Variants in PCSK2 observed in about 807,000 individuals in gnomAD.
PCSK2 encodes the protein proprotein convertase subtilisin/kexin type 2.
A neutral mutation model predicts 69.7 loss-of-function variants in PCSK2; 14 were observed. The ratio of observed to expected loss-of-function variants is 0.20; its 90% confidence interval spans 0.13 to 0.31. PCSK2 has a LOEUF of 0.31. PCSK2 is among the 10% of genes least tolerant of loss of function. PCSK2 has a pLI of 1.00. For missense variants in PCSK2, 544 were observed against 842.5 expected, an observed-to-expected ratio of 0.65 and a Z score of 4.39; for synonymous variants, 307 against 320.7, an observed-to-expected ratio of 0.96 and a Z score of 0.46.
At chr20:17,334,354 C>G (rs930157652) in intron 2 of PCSK2, among the ~76,000 whole-genome samples, 2 of 152,110 alleles carry the variant, frequency 1.3e-5, no homozygotes, top group African/African-American at 4.8e-5. Context: ...GTTGAGGACA[C>G]TGGAAATGAG....
At position 17,292,055 on chromosome 20, in the gene PCSK2, T is replaced by C. The variant is rs561173731; in HGVS notation, c.282+31711T>C. On this transcript the variant is annotated intron_variant, in intron 2 of 11. Coordinates refer to ENST00000262545, the MANE Select transcript of PCSK2 (RefSeq NM_002594.5). ...AGTATAATTTTGTGACTGAGCACATTGCAGTCCTCAGTAATATAAGGGTTC... is the reference window on the plus strand; with the variant it reads ...AGTATAATTTTGTGACTGAGCACATCGCAGTCCTCAGTAATATAAGGGTTC... 5.3e-5 allele frequency among the ~76,000 whole-genome samples: 8 copies of C among 152,314 alleles called. No individual in the cohort carries two copies. The East Asian group carries it at 1.5e-3, about 29-fold the overall frequency.
intron 2 of PCSK2, among the ~76,000 whole-genome samples, chr20:17,351,067 A>T (rs529870514): frequency 1.3e-5 from 2 of 151,722 alleles, no homozygotes; most frequent in South Asian, 4.2e-4. Flanking sequence ...TTAATGTAGT[A>T]AAAGTACCTT....
chr20:17,444,225 C>T (rs1201039328), intron 8 of PCSK2, among the ~76,000 whole-genome samples: 1 of 152,132 alleles, frequency 6.6e-6, no homozygotes, highest in Non-Finnish European at 1.5e-5. Context: ...TCATCCTGTA[C>T]ATATGTTTTG....
intron 1 of PCSK2, among the ~76,000 whole-genome samples, chr20:17,234,566 A>C (rs190998296): frequency 3.3e-5 from 5 of 152,358 alleles, no homozygotes; most frequent in Admixed American, 3.3e-4. Flanking sequence ...CTTCGATATT[A>C]TCAGTAGTAG....
At chr20:17,367,255 C>A (rs1445008492) in intron 4 of PCSK2, among the ~76,000 whole-genome samples, 1 of 152,074 alleles carries the variant, frequency 6.6e-6, no homozygotes, top group Non-Finnish European at 1.5e-5. Context: ...TTTAATGTTT[C>A]TTTTCTTCTG....
chr20:17,295,576 T>C (rs570602888), intron 2 of PCSK2, among the ~76,000 whole-genome samples: 2 of 149,830 alleles, frequency 1.3e-5, no homozygotes, highest in African/African-American at 4.9e-5. Context: ...TTATTATTTA[T>C]TTTAGAGACA....
intron 8 of PCSK2, among the ~76,000 whole-genome samples, chr20:17,439,471 T>C (rs1449688675): frequency 6.6e-6 from 1 of 152,164 alleles, no homozygotes; most frequent in Non-Finnish European, 1.5e-5. Flanking sequence ...GCCTCCAAAA[T>C]CATCCCTTAG....
At chr20:17,446,835 G>A (rs1241459672) in intron 8 of PCSK2, among the ~76,000 whole-genome samples, 1 of 152,138 alleles carries the variant, frequency 6.6e-6, no homozygotes, top group East Asian at 1.9e-4. Flanking sequence ...ATGGAAAAGT[G>A]TCTGCAAGTC....
chr20:17,305,229 GAT>G (rs1400481249), intron 2 of PCSK2, among the ~76,000 whole-genome samples: 1 of 152,196 alleles, frequency 6.6e-6, no homozygotes, highest in East Asian at 1.9e-4. Context: ...ATATTAAACA[GAT>G]GTCTTTATCT....
At chr20:17,242,292 C>T (rs536687127) in intron 1 of PCSK2, among the ~76,000 whole-genome samples, 1 of 152,326 alleles carries the variant, frequency 6.6e-6, no homozygotes, top group African/African-American at 2.4e-5. Flanking sequence ...GTGACTTACC[C>T]CTCTCTCCCC....
chr20:17,415,630 C>A, intron 6 of PCSK2, among the ~76,000 whole-genome samples: 1 of 152,114 alleles, frequency 6.6e-6, no homozygotes, highest in Non-Finnish European at 1.5e-5. Context: ...AGATTCAATG[C>A]CATCCCCATC....
At chr20:17,435,168 C>G (rs965863583) in intron 7 of PCSK2, among the ~76,000 whole-genome samples, 2 of 152,262 alleles carry the variant, frequency 1.3e-5, no homozygotes, top group East Asian at 3.9e-4. Flanking sequence ...GTTATTCATT[C>G]TTCTGGACCT....
intron 2 of PCSK2, among the ~76,000 whole-genome samples, chr20:17,278,830 C>G (rs1295107677): frequency 6.6e-6 from 1 of 151,854 alleles, no homozygotes; most frequent in Non-Finnish European, 1.5e-5. Context: ...GCCTGGGCAA[C>G]AGAGCAAGAC....
At chr20:17,276,859 C>A (rs528456966) in intron 2 of PCSK2, among the ~76,000 whole-genome samples, 4 of 152,152 alleles carry the variant, frequency 2.6e-5, no homozygotes, top group Non-Finnish European at 5.9e-5. Flanking sequence ...TGATAAGCAA[C>A]TTCAGCAAAG....
intron 5 of PCSK2, among the ~76,000 whole-genome samples, chr20:17,397,481 A>AAT (rs900591375): frequency 2.1e-5 from 2 of 95,210 alleles, no homozygotes; most frequent in Admixed American, 1.3e-4. Context: ...ACAAAAATTC[A>AAT]ATATATTTTT....
chr20:17,297,419 A>G (rs991292090), intron 2 of PCSK2, among the ~76,000 whole-genome samples: 2 of 152,218 alleles, frequency 1.3e-5, no homozygotes, highest in African/African-American at 4.8e-5. Context: ...AGAGAGAGCT[A>G]TGCATCCTCG....
At chr20:17,383,952 C>T (rs6080670) in intron 5 of PCSK2, among the ~76,000 whole-genome samples, 45,888 of 152,118 alleles carry the variant, frequency 0.3, 7,423 homozygotes, top group East Asian at 0.5. Flanking sequence ...GCAAATGAAT[C>T]TTATCATTCC....
intron 2 of PCSK2, among the ~76,000 whole-genome samples, chr20:17,295,107 TATC>T (rs1198312864): frequency 2.0e-5 from 3 of 152,152 alleles, no homozygotes; most frequent in African/African-American, 7.2e-5. Flanking sequence ...AAATTGTTCA[TATC>T]ATAGTGATAG....
chr20:17,269,850 T>C (rs1337934879), intron 2 of PCSK2, among the ~76,000 whole-genome samples: 3 of 152,126 alleles, frequency 2.0e-5, no homozygotes, highest in African/African-American at 4.8e-5. Flanking sequence ...AAGATCATGT[T>C]TGACTGTAAA....
Sources: allele counts gnomAD v4.1 joint callset (sites outside exome capture counted in the v4.1 genomes callset), GRCh38; gene constraint gnomAD v4.1.1; transcripts MANE v1.5; gene names NCBI Gene and HGNC (gene_info 2026-07-23, HGNC 2026-07-21).